The following NUP88 variants were observed in gnomAD, a reference collection of about 807,000 sequenced individuals.
NUP88 encodes the protein nucleoporin 88.
A neutral mutation model predicts 93.9 loss-of-function variants in NUP88; 57 were observed. The observed-to-expected ratio is 0.61, with a 90% CI of 0.49 to 0.76. The LOEUF is 0.76. NUP88 is among the 30% of genes least tolerant of loss of function. The pLI, the probability that NUP88 is intolerant of heterozygous loss-of-function variation, is 0.00. For missense variants in NUP88, 911 were observed against 901.0 expected, an observed-to-expected ratio of 1.01 and a Z score of -0.14; for synonymous variants, 346 against 336.8, an observed-to-expected ratio of 1.03 and a Z score of -0.30.
intron 6 of NUP88, 98 bp downstream of exon 6, chr17:5,404,955 ATAAG>A (rs922554371): frequency 2.1e-5 from 21 of 1,024,278 alleles, no homozygotes; most frequent in African/African-American, 1.5e-4. Flanking sequence ...CAGAAGTTCC[ATAAG>A]TAAGTTAAAA....
chr17:5,385,532 C>G lies in NUP88; in HGVS notation c.*674G>C, dbSNP rs1911884999. The G allele has an allele frequency of 1.3e-5, 3 of 230,796 alleles. No homozygotes were observed. The highest frequency in any genetic ancestry group is 3.6e-4 in the South Asian group (2 of 5,496). 14.3% of individuals were successfully genotyped at this position (230,796 alleles called of 1,614,324 possible). A position where few individuals can be genotyped will look rare whatever the true frequency, so the allele number is the denominator to read the frequency against. ...AAGATGACTTAAGGTGAAGTGAGGA[C>G]AAAATCACATTCTGCATACTAACCT... On this transcript the variant is annotated 3_prime_UTR_variant, in exon 17 of 17. Coordinates refer to ENST00000573584, the MANE Select transcript of NUP88 (RefSeq NM_002532.6).
intron 2 of NUP88, among the ~76,000 whole-genome samples, chr17:5,414,579 G>A (rs906071704): frequency 1.3e-5 from 2 of 152,054 alleles, no homozygotes; most frequent in Non-Finnish European, 2.9e-5. Context: ...GACATTCAAG[G>A]CATCTATTCA....
At chr17:5,409,905 AG>A (rs1913729910) in intron 4 of NUP88, among the ~76,000 whole-genome samples, 1 of 152,196 alleles carries the variant, frequency 6.6e-6, no homozygotes, top group South Asian at 2.1e-4. Flanking sequence ...AAATGCTCTA[AG>A]GTAGAAGTGC....
intron 5 of NUP88, among the ~76,000 whole-genome samples, chr17:5,408,056 G>A (rs553004685): frequency 2.0e-5 from 3 of 152,186 alleles, no homozygotes; most frequent in Non-Finnish European, 4.4e-5. Flanking sequence ...AAATTTTCTC[G>A]GGACAGATAC....
chr17:5,404,358 A>G, intron 6 of NUP88, 112 bp from the exon 7 acceptor site: 1 of 1,069,918 alleles, frequency 9.3e-7, no homozygotes, highest in South Asian at 1.5e-5. Context: ...CTTGCCTGTA[A>G]TCCCAGCACT....
rs774428146 is a variant in NUP88, at chr17:5,414,137, AAAAT to A, written c.468-7_468-4del. 6.2e-7 allele frequency: 1 copy of A among 1,610,986 alleles called. No homozygotes were observed. Among genetic ancestry groups the A allele is most frequent in the Non-Finnish European group, 8.5e-7 (1 of 1,178,384 alleles). ...ATCTCTCCGCAACTGGAGTGGTACT[AAAAT>A]AAAGATAATAATTTTCCAAAACATT... is the stretch of plus-strand genomic sequence containing the variant. On this transcript the variant is annotated splice_polypyrimidine_tract_variant and splice_region_variant and intron_variant, in intron 2 of 16. Transcript: ENST00000573584.
chr17:5,397,667 C>T (rs1022747348), intron 8 of NUP88, among the ~76,000 whole-genome samples: 1 of 152,218 alleles, frequency 6.6e-6, no homozygotes, highest in Admixed American at 6.5e-5. Context: ...TTTTAAGCCA[C>T]TAAGTCTGTG....
intron 4 of NUP88, 106 bp downstream of exon 4, chr17:5,410,597 A>C: frequency 1.4e-6 from 1 of 693,234 alleles, no homozygotes; most frequent in South Asian, 1.8e-5. Flanking sequence ...CACATTACCA[A>C]AAGCATGCTA....
chr17:5,396,055 AC>A (rs1243959479), intron 8 of NUP88, among the ~76,000 whole-genome samples: 1 of 152,010 alleles, frequency 6.6e-6, no homozygotes, highest in Non-Finnish European at 1.5e-5. Flanking sequence ...TACTAAAAAC[AC>A]AAAAATTAGC....
chr17:5,416,159 A>AGT (rs1302350232), intron 2 of NUP88, among the ~76,000 whole-genome samples: 3 of 71,030 alleles, frequency 4.2e-5, no homozygotes, highest in African/African-American at 4.9e-5. Context: ...AAAAAAAAAA[A>AGT]AAAAAAAGTA....
At chr17:5,403,308 C>A (rs1453001390) in intron 7 of NUP88, among the ~76,000 whole-genome samples, 2 of 151,986 alleles carry the variant, frequency 1.3e-5, no homozygotes, top group Non-Finnish European at 2.9e-5. Context: ...AGACCCCCGT[C>A]TCTACTAAAA....
intron 8 of NUP88, among the ~76,000 whole-genome samples, chr17:5,398,051 C>T (rs1912891527): frequency 6.6e-6 from 1 of 151,780 alleles, no homozygotes; most frequent in Admixed American, 6.6e-5. Flanking sequence ...GGATTACAGG[C>T]ATCCGCCACT....
chr17:5,388,583 C>T (rs550764295), intron 11 of NUP88: 29 of 437,230 alleles, frequency 6.6e-5, no homozygotes, highest in African/African-American at 1.2e-4. Flanking sequence ...CCACCACGCC[C>T]GGCCTAGCCT....
At position 5,387,688 on chromosome 17, in the gene NUP88, A is replaced by C; in HGVS notation, c.1770-18T>G. Reference sequence around the variant, plus strand: ...ATTTGACCCTTTAAAAACAAAAAGAAATAGAGTTTATTCAGAAGCCAGGTC... The same window carrying C: ...ATTTGACCCTTTAAAAACAAAAAGACATAGAGTTTATTCAGAAGCCAGGTC... On this transcript the variant is annotated intron_variant, in intron 12 of 16. Transcript: ENST00000573584. 6.2e-7 allele frequency: 1 copy of C among 1,609,974 alleles called. No homozygotes were observed. Among genetic ancestry groups the C allele is most frequent in the Non-Finnish European group, 8.5e-7 (1 of 1,177,908 alleles).
rs761696757 is a variant in NUP88, at chr17:5,419,529, T to G, written c.122A>C (p.Lys41Thr). ...LKNQSPTEAE[K>T]PASSSLPSSP... ...CGAAGGCAACGACGAAGAAGCTGGT[T>G]TCTCAGCTTCGGTTGGACTCTGGTT... The change falls in exon 1 of 17, where the codon AAA becomes ACA. Residue 41 changes from lysine to threonine, a missense_variant. Lys to Thr is a moderately conservative substitution (Grantham distance 78, BLOSUM62 -1). Coordinates refer to ENST00000573584, the MANE Select transcript of NUP88 (RefSeq NM_002532.6). 5 of 1,613,838 alleles carry G rather than the reference T, an allele frequency of 3.1e-6. No individual in the cohort carries two copies. The Admixed American group carries it at 6.7e-5, about 22-fold the overall frequency.
At position 5,419,371 on chromosome 17, in the gene NUP88, C is replaced by T; in HGVS notation, c.280G>A (p.Ala94Thr). The change falls in exon 1 of 17, where the codon GCC (alanine) becomes ACC (threonine). Residue 94 changes from alanine to threonine, a missense_variant. Transcript: ENST00000573584. ...RGPSGGGEEP[A>T]LSQYQRLLCI... is the part of the protein sequence containing the mutation. ...GGCATTACCTGGTACTGGGACAGGG[C>T]GGGCTCTTCGCCGCCGCCGCTGGGG... The T allele has an allele frequency of 6.2e-7, 1 of 1,600,056 alleles. No individual in the cohort carries two copies. The highest frequency in any genetic ancestry group is 8.5e-7 in the Non-Finnish European group (1 of 1,173,912).
intron 1 of NUP88, 78 bp from the exon 2 acceptor site, chr17:5,416,760 T>C: frequency 9.3e-7 from 1 of 1,079,372 alleles, no homozygotes; most frequent in Non-Finnish European, 1.3e-6. Flanking sequence ...ATCACAGTAA[T>C]ACTTAGTTTA....
At position 5,408,719 on chromosome 17, in the gene NUP88, C is replaced by G; in HGVS notation, c.857+14G>C. The G allele has an allele frequency of 1.9e-6, 3 of 1,570,010 alleles. No individual in the cohort carries two copies. Among genetic ancestry groups the G allele is most frequent in the Middle Eastern group, 3.4e-4 (2 of 5,828 alleles). On this transcript the variant is annotated intron_variant, in intron 5 of 16. Transcript: ENST00000573584. ...CTGAGTTTTCATTTCAGGTGGGTGA[C>G]CACCTCAACTTACCTGTGTAACAGA...
At position 5,405,234 on chromosome 17, in the gene NUP88, A is replaced by G. The variant is rs777535042; in HGVS notation, c.867T>C (p.Asn289=). 6.2e-7 allele frequency: 1 copy of G among 1,613,286 alleles called. No homozygotes were observed. The highest frequency in any genetic ancestry group is 8.5e-7 in the Non-Finnish European group (1 of 1,179,596). Residue 289 remains asparagine, a synonymous_variant, in exon 6 of 17, where the codon AAT becomes AAC. Coordinates refer to ENST00000573584, the MANE Select transcript of NUP88 (RefSeq NM_002532.6). ...TYISLLHSPG[N]IGKLLGPLPM... ...GCAATGGACCCAACAGCTTTCCAAT[A>G]TTTCCAGGGCTAAAGAAGGAGTAAA...
Sources: allele counts gnomAD v4.1 joint callset (sites outside exome capture counted in the v4.1 genomes callset), GRCh38; gene constraint gnomAD v4.1.1; transcripts MANE v1.5; gene names NCBI Gene and HGNC (gene_info 2026-07-23, HGNC 2026-07-21).